Variants in TOP3A observed in about 807,000 individuals in gnomAD.
TOP3A encodes the protein DNA topoisomerase III alpha.
In TOP3A, 64 loss-of-function variants were observed where a neutral mutation model predicts 111.3. The observed-to-expected ratio is 0.57, with a 90% confidence interval of 0.47 to 0.71. TOP3A has a LOEUF of 0.71. Among genes scored for constraint, TOP3A ranks in the 30% least tolerant of loss-of-function variants. TOP3A has a pLI of 0.00. For missense variants in TOP3A, 1,104 were observed against 1,285.0 expected, an observed-to-expected ratio of 0.86 and a Z score of 2.15; for synonymous variants, 484 against 485.1, an observed-to-expected ratio of 1.00 and a Z score of 0.03.
chr17:18,314,562 C>T (rs374246961), intron 1 of TOP3A, 37 bp downstream of exon 1: 2 of 1,582,206 alleles, frequency 1.3e-6, no homozygotes, highest in African/African-American at 2.7e-5. Context: ...GTGGGCCTCC[C>T]TTAAGGCACG....
At chr17:18,290,011 C>T (rs912056802) in intron 13 of TOP3A, among the ~76,000 whole-genome samples, 2 of 152,204 alleles carry the variant, frequency 1.3e-5, no homozygotes, top group Non-Finnish European at 2.9e-5. Context: ...AAAGCTTGAG[C>T]CATGGGACTT....
At chr17:18,293,990 G>A (rs970005221) in intron 10 of TOP3A, among the ~76,000 whole-genome samples, 20 of 152,304 alleles carry the variant, frequency 1.3e-4, no homozygotes, top group Non-Finnish European at 2.1e-4. Flanking sequence ...CATCTATAGC[G>A]CATCCCAATT....
rs138006416 is a variant in TOP3A, at chr17:18,271,786, G to T, written c.*3016C>A. On this transcript the variant is annotated 3_prime_UTR_variant, in exon 19 of 19. Transcript: ENST00000321105. ...ATTTAAAAATGGGGGAAGAGACCAG[G>T]TGTGATGGCTCCTGCCTGTTAATCC... The T allele has an allele frequency of 2.2e-6, 1 of 452,036 alleles. No homozygotes were observed. Among genetic ancestry groups the T allele is most frequent in the Non-Finnish European group, 4.5e-6 (1 of 221,172 alleles). 28.0% of individuals were successfully genotyped at this position (452,036 alleles called of 1,614,324 possible). A position where few individuals can be genotyped will look rare whatever the true frequency, so the allele number is the denominator to read the frequency against.
intron 8 of TOP3A, among the ~76,000 whole-genome samples, chr17:18,301,576 T>C (rs1981229786): frequency 6.6e-6 from 1 of 152,266 alleles, no homozygotes; most frequent in Non-Finnish European, 1.5e-5. Context: ...CCTAGCTCTA[T>C]AAGTCAATGA....
Position 18,285,436 on chromosome 17 carries a change from G to A in TOP3A, c.1682C>T (p.Pro561Leu), listed in dbSNP as rs1258620729. ...CACAAGTCCCATGCCCAGGTGCCCAGGGAGGAACCGCTTGTCTGGGGTGAG... is the reference window on the plus strand; with the variant it reads ...CACAAGTCCCATGCCCAGGTGCCCAAGGAGGAACCGCTTGTCTGGGGTGAG... Reference protein sequence around the residue: ...VGLTPDKRFLPGHLGMGLVEG... With the variant: ...VGLTPDKRFLLGHLGMGLVEG... The change falls in exon 14 of 19, where the codon CCT (proline) becomes CTT (leucine). Residue 561 changes from proline to leucine, a missense_variant. By Grantham distance (98) the Pro-to-Leu change is moderately conservative. Coordinates refer to ENST00000321105, the MANE Select transcript of TOP3A (RefSeq NM_004618.5). The A allele has an allele frequency of 1.2e-6, 2 of 1,613,996 alleles. No individual in the cohort carries two copies. Among genetic ancestry groups the A allele is most frequent in the African/African-American group, 1.3e-5 (1 of 74,892 alleles).
chr17:18,294,481 C>T lies in TOP3A; in HGVS notation c.1073+222G>A. ...AGTAGCTGGGACTACAGGCGCACGC[C>T]ACCACGTCCAGCTAATTTTTGTATT... On this transcript the variant is annotated intron_variant, in intron 10 of 18. Coordinates refer to ENST00000321105, the MANE Select transcript of TOP3A (RefSeq NM_004618.5). Among the ~76,000 whole-genome samples the T allele has an allele frequency of 1.3e-5, 2 of 152,220 alleles. 1 individual carries two copies. The highest frequency in any genetic ancestry group is 2.9e-5 in the Non-Finnish European group (2 of 68,014).
At position 18,314,784 on chromosome 17, in the gene TOP3A, G is replaced by T; in HGVS notation, c.-6C>A. 1 of 1,515,254 alleles carries T rather than the reference G, an allele frequency of 6.6e-7. No individual in the cohort carries two copies. 93.9% of individuals were successfully genotyped at this position (1,515,254 alleles called of 1,614,324 possible). On this transcript the variant is annotated 5_prime_UTR_variant, in exon 1 of 19. The change creates a new upstream start codon in the 5' untranslated region. Coordinates refer to ENST00000321105, the MANE Select transcript of TOP3A (RefSeq NM_004618.5). The stretch of plus-strand genomic sequence containing the variant: ...CGGGCGACAGGAAAGATCATCCTCA[G>T]ACCTCGCGCCCGGAGCCGCTCCCCG...
At chr17:18,307,208 T>A (rs770802552) in intron 3 of TOP3A, 4 of 380,574 alleles carry the variant, frequency 1.1e-5, no homozygotes, top group African/African-American at 2.0e-5. Context: ...AATGGCTGCA[T>A]GAAAAAGGTC....
In TOP3A at chr17:18,278,118, A is replaced by G. The variant is rs1466325016; in HGVS notation, c.2384T>C (p.Leu795Pro). Residue 795 changes from leucine (L) to proline (P), a missense_variant, in exon 18 of 19, where the codon CTG becomes CCG. Coordinates refer to ENST00000321105, the MANE Select transcript of TOP3A (RefSeq NM_004618.5). ...DSRQTGSSKA[L>P]AQTLPPPTAA... is the part of the protein sequence containing the mutation. ...CGTGGGTGGTGGGAGGGTCTGGGCC[A>G]GAGCCTTTGAGGACCCAGTCTGTCT... 13 of 1,614,206 alleles carry G rather than the reference A, an allele frequency of 8.1e-6. No homozygotes were observed. The highest frequency in any genetic ancestry group is 1.1e-5 in the Non-Finnish European group (13 of 1,180,022).
In TOP3A at chr17:18,314,838, G is replaced by GTTT; in HGVS notation, c.-61_-60insAAA. On this transcript the variant is annotated 5_prime_UTR_variant, in exon 1 of 19. Transcript: ENST00000321105. ...GCCGGCGCATCCTGGGGAAGCCAGAGATGAGGCTCAAATGGCGCCCACCGA... is the reference window on the plus strand; with the variant it reads ...GCCGGCGCATCCTGGGGAAGCCAGAGTTTATGAGGCTCAAATGGCGCCCACCGA... 1 of 1,395,076 alleles carries GTTT rather than the reference G, an allele frequency of 7.2e-7. No homozygotes were observed. The allele number at this position is 1,395,076 out of a possible 1,614,324, so 86.4% of individuals were successfully genotyped here. A position where few individuals can be genotyped will look rare whatever the true frequency, so the allele number is the denominator to read the frequency against.
At chr17:18,276,804 C>T (rs1309976782) in intron 18 of TOP3A, among the ~76,000 whole-genome samples, 1 of 152,176 alleles carries the variant, frequency 6.6e-6, no homozygotes, top group African/African-American at 2.4e-5. Context: ...TGCCACTTCT[C>T]ATGACACCCA....
In TOP3A at chr17:18,271,814, G is replaced by C; in HGVS notation, c.*2988C>G. ...TGATGGCTCCTGCCTGTTAATCCTA[G>C]CACTTTGGGAGGCCGAGGCTGGTAG... On this transcript the variant is annotated 3_prime_UTR_variant, in exon 19 of 19. Transcript: ENST00000321105. The C allele has an allele frequency of 2.3e-6, 1 of 442,264 alleles. No homozygotes were observed. Among genetic ancestry groups the C allele is most frequent in the Admixed American group, 2.6e-5 (1 of 38,678 alleles). 27.4% of individuals were successfully genotyped at this position (442,264 alleles called of 1,614,324 possible).
chr17:18,308,075 G>A (rs1466076492), intron 3 of TOP3A, among the ~76,000 whole-genome samples: 1 of 149,310 alleles, frequency 6.7e-6, no homozygotes, highest in African/African-American at 2.5e-5. Flanking sequence ...AGCCAGGTGT[G>A]GTGGCACGTG....
intron 3 of TOP3A, 121 bp downstream of exon 3, chr17:18,308,223 CAAAAAAA>C (rs201230376): frequency 1.3e-3 from 315 of 245,554 alleles, no homozygotes; most frequent in South Asian, 4.6e-3. Flanking sequence ...TTGTCTCCAA[CAAAAAAA>C]AAAAAAAAAA....
chr17:18,289,951 G>A (rs750190684), intron 13 of TOP3A, among the ~76,000 whole-genome samples: 2 of 152,174 alleles, frequency 1.3e-5, no homozygotes, highest in Non-Finnish European at 2.9e-5. Context: ...TGAGAGCCTT[G>A]ACAAAAACGA....
rs1189880008 is a variant in TOP3A, at chr17:18,288,174, A to G, written c.1597+2383T>C. Among the ~76,000 whole-genome samples the G allele has an allele frequency of 1.5e-4, 15 of 96,784 alleles. No homozygotes were observed. In the East Asian group the frequency reaches 4.8e-3, roughly 31 times the overall value. 63.5% of individuals were successfully genotyped at this position (96,784 alleles called of 152,430 possible). A position where few individuals can be genotyped will look rare whatever the true frequency, so the allele number is the denominator to read the frequency against. On this transcript the variant is annotated intron_variant, in intron 13 of 18. Coordinates refer to ENST00000321105, the MANE Select transcript of TOP3A (RefSeq NM_004618.5). ...AAATTTTTTTTTTTTTTTTTTTTAGATGGAGTCTCTCTCTGTCACCAAGGC... is the reference window on the plus strand; with the variant it reads ...AAATTTTTTTTTTTTTTTTTTTTAGGTGGAGTCTCTCTCTGTCACCAAGGC...
At position 18,308,223 on chromosome 17, in the gene TOP3A, CAAAAAAAAAAAAAAAAAAAAAAAAA is replaced by C; in HGVS notation, c.314+103_314+127del. On this transcript the variant is annotated intron_variant, in intron 3 of 18. Coordinates refer to ENST00000321105, the MANE Select transcript of TOP3A (RefSeq NM_004618.5). The stretch of plus-strand genomic sequence containing the variant: ...TCTCACTCTGAAACTTTGTCTCCAA[CAAAAAAAAAAAAAAAAAAAAAAAAA>C]AAAAAAAAAAATTACCCAGTAAGAT... The C allele has an allele frequency of 2.5e-5, 6 of 241,940 alleles. No homozygotes were observed. The South Asian group carries it at 3.6e-4, about 15-fold the overall frequency. The allele number at this position is 241,940 out of a possible 1,614,324, so 15.0% of individuals were successfully genotyped here. A position where few individuals can be genotyped will look rare whatever the true frequency, so the allele number is the denominator to read the frequency against.
chr17:18,305,539 G>T (rs555977105), intron 4 of TOP3A, among the ~76,000 whole-genome samples: 6 of 151,944 alleles, frequency 3.9e-5, no homozygotes, highest in Non-Finnish European at 7.4e-5. Flanking sequence ...TTATGACCTA[G>T]TTAAAAAAAA....
At chr17:18,309,010 T>C in intron 1 of TOP3A, 69 bp from the exon 2 acceptor site, 1 of 860,066 alleles carries the variant, frequency 1.2e-6, no homozygotes, top group East Asian at 3.1e-5. Flanking sequence ...TATAATTCTT[T>C]CTGATCCTGA....
Sources: allele counts gnomAD v4.1 joint callset (sites outside exome capture counted in the v4.1 genomes callset), GRCh38; gene constraint gnomAD v4.1.1; transcripts MANE v1.5; gene names NCBI Gene and HGNC (gene_info 2026-07-23, HGNC 2026-07-21).